RAPGEF2: variants seen among roughly 807,000 people sequenced by gnomAD.
RAPGEF2 encodes Rap guanine nucleotide exchange factor 2.
Under a neutral mutation model 186.7 loss-of-function variants are expected in RAPGEF2, and 54 were observed. The ratio of observed to expected loss-of-function variants is 0.29; its 90% CI spans 0.23 to 0.36. The LOEUF (loss-of-function observed/expected upper bound fraction) is 0.36. RAPGEF2 is among the 10% of genes least tolerant of loss of function. The pLI is 1.00. For missense variants in RAPGEF2, 1,532 were observed against 2,045.0 expected (o/e 0.75, Z 4.84); for synonymous variants, 712 against 705.9 (o/e 1.01, Z -0.14).
intron 9 of RAPGEF2, among the ~76,000 whole-genome samples, chr4:159,321,799 G>T (rs1418194493): frequency 1.3e-5 from 2 of 152,088 alleles, no homozygotes; most frequent in East Asian, 3.9e-4. Flanking sequence ...CCAACTTGTG[G>T]GCTAAAAAAT....
chr4:159,104,528 G>GAGAGAGAGAGAC (rs1737617048), intron 1 of RAPGEF2, among the ~76,000 whole-genome samples: 2 of 97,298 alleles, frequency 2.1e-5, no homozygotes, highest in Admixed American at 2.2e-4. Context: ...GAGAGAGAGG[G>GAGAGAGAGAGAC]AGAGACAGAG....
chr4:159,143,196 T>A (rs899439557), intron 1 of RAPGEF2, among the ~76,000 whole-genome samples: 2 of 152,036 alleles, frequency 1.3e-5, no homozygotes, highest in African/African-American at 4.8e-5. Flanking sequence ...CTCCTCTGCA[T>A]AGCTACTGCA....
At chr4:159,207,971 A>C (rs976824030) in intron 3 of RAPGEF2, among the ~76,000 whole-genome samples, 1 of 152,340 alleles carries the variant, frequency 6.6e-6, no homozygotes, top group East Asian at 1.9e-4. Flanking sequence ...AACTGAGGAG[A>C]CAAAAATATG....
intron 4 of RAPGEF2, among the ~76,000 whole-genome samples, chr4:159,220,106 A>G (rs564497398): frequency 1.3e-5 from 2 of 152,328 alleles, no homozygotes; most frequent in South Asian, 2.1e-4. Context: ...GTGTTAGTGG[A>G]GTGGCAGAGC....
chr4:159,262,658 G>A (rs1457206849), intron 7 of RAPGEF2, among the ~76,000 whole-genome samples: 1 of 152,116 alleles, frequency 6.6e-6, no homozygotes, highest in African/African-American at 2.4e-5. Context: ...TTGTTTTTCT[G>A]CATGTCTCCA....
chr4:159,181,147 C>T (rs1378255224), intron 1 of RAPGEF2, among the ~76,000 whole-genome samples: 7 of 152,128 alleles, frequency 4.6e-5, no homozygotes, highest in Admixed American at 4.6e-4. Context: ...AATAAAGTGC[C>T]ACTTGATCAG....
intron 1 of RAPGEF2, among the ~76,000 whole-genome samples, chr4:159,171,014 G>A (rs1156374141): frequency 6.6e-6 from 1 of 152,102 alleles, no homozygotes; most frequent in East Asian, 1.9e-4. Context: ...GACTGTAAAT[G>A]GTGGATTTAT....
chr4:159,187,868 C>G lies in RAPGEF2; in HGVS notation c.140+1156C>G, dbSNP rs376912144. On this transcript the variant is annotated intron_variant, in intron 2 of 29. Transcript: ENST00000691494. ...AAGGAATGCTTTTTCCATATATTTC[C>G]CCTTTACTCTTTCAACACTAATTAA... Among the ~76,000 whole-genome samples the G allele has an allele frequency of 3.3e-5, 5 of 152,192 alleles. No homozygotes were observed. In the South Asian group the frequency reaches 8.3e-4, roughly 25 times the overall value.
At chr4:159,311,400 T>G (rs937258384) in intron 8 of RAPGEF2, among the ~76,000 whole-genome samples, 2 of 152,150 alleles carry the variant, frequency 1.3e-5, no homozygotes, top group African/African-American at 4.8e-5. Flanking sequence ...AAATATAAAT[T>G]GCGTGCAGCG....
chr4:159,352,984 GTGTT>G (rs752253570), intron 27 of RAPGEF2, 74 bp downstream of exon 27: 37 of 1,326,288 alleles, frequency 2.8e-5, no homozygotes, highest in Non-Finnish European at 3.3e-5. Flanking sequence ...TTTTCTTCCA[GTGTT>G]TGTTTTTATT....
chr4:159,332,055 T>G (rs755738816), intron 16 of RAPGEF2, 21 bp downstream of exon 16: 1 of 1,485,548 alleles, frequency 6.7e-7, no homozygotes, highest in South Asian at 1.2e-5. Flanking sequence ...TGCATACTTT[T>G]CATTTTTCTC....
chr4:159,234,325 A>G (rs899958544), intron 4 of RAPGEF2, among the ~76,000 whole-genome samples: 1 of 152,094 alleles, frequency 6.6e-6, no homozygotes, highest in Non-Finnish European at 1.5e-5. Context: ...TTTTTTAAAA[A>G]TGATTATTTT....
rs766729727 is a variant in RAPGEF2, at chr4:159,330,291, GTGTGTATA to G, written c.1303-41_1303-34del. 41 of 978,240 alleles carry G rather than the reference GTGTGTATA, an allele frequency of 4.2e-5. 1 individual carries two copies. The highest frequency in any genetic ancestry group is 5.7e-5 in the Non-Finnish European group (37 of 647,316). The allele number at this position is 978,240 out of a possible 1,614,324, so 60.6% of individuals were successfully genotyped here. On this transcript the variant is annotated intron_variant, in intron 12 of 29. Transcript: ENST00000691494. The stretch of plus-strand genomic sequence containing the variant: ...TGTGTGTGTGTGTGTGTGTGTGTGT[GTGTGTATA>G]TATATGTAGTAATTAAACCTTTTCT...
Position 159,277,393 on chromosome 4 carries a change from T to C in RAPGEF2, c.544-26949T>C, listed in dbSNP as rs1463818740. Reference sequence around the variant, plus strand: ...GTGCCACAATTAACATACGTGTGCATGTGTCTTTATAGCAGCATATGATTT... The same window carrying C: ...GTGCCACAATTAACATACGTGTGCACGTGTCTTTATAGCAGCATATGATTT... On this transcript the variant is annotated intron_variant, in intron 7 of 29. Transcript: ENST00000691494. Among the ~76,000 whole-genome samples the C allele has an allele frequency of 2.0e-4, 31 of 152,230 alleles. 1 individual carries two copies. The highest frequency in any genetic ancestry group is 1.5e-5 in the Non-Finnish European group (1 of 68,040).
At chr4:159,178,088 A>T (rs936180510) in intron 1 of RAPGEF2, among the ~76,000 whole-genome samples, 1 of 152,214 alleles carries the variant, frequency 6.6e-6, no homozygotes, top group Non-Finnish European at 1.5e-5. Context: ...GACCATTAAG[A>T]AAGACTTTTT....
intron 1 of RAPGEF2, among the ~76,000 whole-genome samples, chr4:159,156,685 T>C (rs976323599): frequency 3.3e-5 from 5 of 152,260 alleles, no homozygotes; most frequent in African/African-American, 1.2e-4. Context: ...TTCCCCGCCC[T>C]GTATCCAAGT....
At position 159,353,753 on chromosome 4, in the gene RAPGEF2, G is replaced by A. The variant is rs1580073007; in HGVS notation, c.4358G>A (p.Ser1453Asn). The A allele has an allele frequency of 5.0e-6, 8 of 1,613,518 alleles. No homozygotes were observed. The highest frequency in any genetic ancestry group is 1.1e-5 in the South Asian group (1 of 90,946). The change falls in exon 28 of 30, where the codon AGC (serine) becomes AAC (asparagine). Residue 1453 changes from serine to asparagine, a missense_variant. Around this residue, in one of 4 missense-constraint regions of RAPGEF2, gnomAD observed 594 missense variants for 608.5 expected, o/e 0.98. Coordinates refer to ENST00000691494, the MANE Select transcript of RAPGEF2 (RefSeq NM_001394067.2). This position sits in a 1 kb window ranked among gnomAD's most constrained non-coding sequence, Gnocchi z 4.3. ...GATCCTGCAGGTTTATGGGCATCAA[G>A]CAGCCATATGGACCAAATTATGTTT... ...SGDPAGLWAS[S>N]SHMDQIMFSD...
intron 2 of RAPGEF2, among the ~76,000 whole-genome samples, chr4:159,190,503 A>G (rs189535333): frequency 1.3e-5 from 2 of 152,236 alleles, no homozygotes; most frequent in East Asian, 3.9e-4. Flanking sequence ...GAAAAGAGAG[A>G]AGTCAGGAAT....
At chr4:159,219,422 C>T (rs1751308028) in intron 4 of RAPGEF2, among the ~76,000 whole-genome samples, 1 of 130,810 alleles carries the variant, frequency 7.6e-6, no homozygotes. Flanking sequence ...GTGGTGCGAT[C>T]TGGGCTCACT....
Sources: allele counts gnomAD v4.1 joint callset (sites outside exome capture counted in the v4.1 genomes callset), GRCh38; gene constraint gnomAD v4.1.1; regional missense constraint gnomAD v4.1.1; non-coding constraint Gnocchi (gnomAD v3.1); transcripts MANE v1.5; gene names NCBI Gene and HGNC (gene_info 2026-07-23, HGNC 2026-07-21).